ZBTB16: variants seen among roughly 807,000 people sequenced by gnomAD.
ZBTB16 encodes the protein zinc finger and BTB domain containing 16.
In ZBTB16, 8 loss-of-function variants were observed where a neutral mutation model predicts 56.8. That is an observed-to-expected ratio of 0.14 (90% confidence interval 0.08 to 0.25). The LOEUF is 0.25. Ranked by LOEUF, ZBTB16 falls within the 10% of genes least tolerant of loss-of-function variation. ZBTB16 has a pLI of 1.00. For synonymous variants in ZBTB16, 363 were observed against 368.5 expected (o/e 0.98, Z 0.17); for missense variants, 625 against 903.0 (o/e 0.69, Z 3.95).
intron 2 of ZBTB16, among the ~76,000 whole-genome samples, chr11:114,067,582 T>G (rs887645958): frequency 1.3e-5 from 2 of 152,098 alleles, no homozygotes; most frequent in Admixed American, 6.5e-5. Flanking sequence ...AATTTTTGTA[T>G]TTTTAGTAGA....
At chr11:114,065,182 G>C (rs979688729) in intron 2 of ZBTB16, among the ~76,000 whole-genome samples, 2 of 152,186 alleles carry the variant, frequency 1.3e-5, no homozygotes, top group Non-Finnish European at 2.9e-5. Context: ...TAAATGCAAG[G>C]GGAAAGGATG....
rs114926685 is a variant in ZBTB16 at position 114,246,888 on chromosome 11, A to C, written c.1625-310A>C. On this transcript the variant is annotated intron_variant, in intron 5 of 6. Coordinates refer to ENST00000335953, the MANE Select transcript of ZBTB16 (RefSeq NM_006006.6). ...AGGTCATCTGAGAAGCAAGATGGTG[A>C]GGTCTCATGTATCCACAAGGGGGCT... is the stretch of plus-strand genomic sequence containing the variant. 2.2e-3 allele frequency: 902 copies of C among 408,256 alleles called. 6 individuals carry two copies. The highest frequency in any genetic ancestry group is 0.012 in the African/African-American group (611 of 49,656). 25.3% of individuals were successfully genotyped at this position (408,256 alleles called of 1,614,324 possible).
chr11:114,220,026 A>C (rs933867913), intron 4 of ZBTB16, among the ~76,000 whole-genome samples: 2 of 152,226 alleles, frequency 1.3e-5, no homozygotes, highest in Non-Finnish European at 2.9e-5. Context: ...TCCCAGACGA[A>C]CTTCTCCAGC....
At chr11:114,177,846 C>T (rs1225657719) in intron 3 of ZBTB16, among the ~76,000 whole-genome samples, 1 of 152,116 alleles carries the variant, frequency 6.6e-6, no homozygotes, top group African/African-American at 2.4e-5. Context: ...GTCACCCAGG[C>T]TGGGGTTACA....
intron 2 of ZBTB16, among the ~76,000 whole-genome samples, chr11:114,100,855 G>A (rs1465000183): frequency 6.6e-6 from 1 of 152,014 alleles, no homozygotes; most frequent in African/African-American, 2.4e-5. Context: ...TACAGCTTTC[G>A]CAAAACTTAA....
At chr11:114,114,682 C>CT (rs761374297) in intron 2 of ZBTB16, among the ~76,000 whole-genome samples, 2,544 of 140,096 alleles carry the variant, frequency 0.018, 54 homozygotes, top group East Asian at 0.057. Flanking sequence ...TATGTTTTTT[C>CT]TTTTTTTTTT....
At chr11:114,246,940 C>G (rs1303843128) in intron 5 of ZBTB16, 5 of 534,976 alleles carry the variant, frequency 9.3e-6, no homozygotes, top group East Asian at 3.3e-5. Context: ...CTGTCCATCC[C>G]TGAACCAAAT....
At chr11:114,246,973 C>A in intron 5 of ZBTB16, 1 of 609,790 alleles carries the variant, frequency 1.6e-6, no homozygotes, top group Non-Finnish European at 2.9e-6. Flanking sequence ...CCAGGACTGG[C>A]CCTTGCCCCA....
At chr11:114,062,792 G>T (rs1453956174) in intron 1 of ZBTB16, among the ~76,000 whole-genome samples, 1 of 152,204 alleles carries the variant, frequency 6.6e-6, no homozygotes, top group Admixed American at 6.5e-5. Flanking sequence ...GGGGGCTGGC[G>T]TGAAGCTGAC....
chr11:114,218,543 A>C (rs1944159800), intron 4 of ZBTB16, among the ~76,000 whole-genome samples: 1 of 152,222 alleles, frequency 6.6e-6, no homozygotes, highest in Admixed American at 6.5e-5. Flanking sequence ...ACATAAAGCC[A>C]ATCTATAAAT....
chr11:114,085,000 A>G (rs866922194), intron 2 of ZBTB16, among the ~76,000 whole-genome samples: 1 of 152,172 alleles, frequency 6.6e-6, no homozygotes, highest in Non-Finnish European at 1.5e-5. Flanking sequence ...TACTGTGATG[A>G]TGCTGTTCTG....
rs540601951 is a variant in ZBTB16, at chr11:114,252,793, G to A, written c.*2238G>A. 1.3e-5 allele frequency among the ~76,000 whole-genome samples: 2 copies of A among 151,938 alleles called. No individual in the cohort carries two copies. The highest frequency in any genetic ancestry group is 6.5e-5 in the Admixed American group (1 of 15,272). ...TGCTGCGACGACCCCCCCGTCCCTC[G>A]GCCCCAGCCCTCCTGCCCTCCCCTT... On this transcript the variant is annotated 3_prime_UTR_variant, in exon 7 of 7. Transcript: ENST00000335953.
chr11:114,071,484 C>T (rs1488035426), intron 2 of ZBTB16, among the ~76,000 whole-genome samples: 1 of 152,088 alleles, frequency 6.6e-6, no homozygotes, highest in Non-Finnish European at 1.5e-5. Flanking sequence ...TCCTCCTGCT[C>T]GTTCTAGGAA....
intron 2 of ZBTB16, among the ~76,000 whole-genome samples, chr11:114,098,418 C>A (rs538210473): frequency 4.5e-4 from 69 of 152,132 alleles, no homozygotes; most frequent in Non-Finnish European, 7.1e-4. Flanking sequence ...AACTTACAAC[C>A]TTTAACGCCA....
At chr11:114,152,387 A>C (rs1219104093) in intron 2 of ZBTB16, among the ~76,000 whole-genome samples, 1 of 152,258 alleles carries the variant, frequency 6.6e-6, no homozygotes, top group Non-Finnish European at 1.5e-5. Flanking sequence ...ACCAGTGAGA[A>C]GGAATGAATT....
chr11:114,076,559 C>A (rs1451289975), intron 2 of ZBTB16, among the ~76,000 whole-genome samples: 1 of 152,164 alleles, frequency 6.6e-6, no homozygotes, highest in East Asian at 1.9e-4. Context: ...TGACAGTTGT[C>A]CCCTAAATGA....
chr11:114,174,380 C>G (rs1230551591), intron 3 of ZBTB16, among the ~76,000 whole-genome samples: 4 of 150,390 alleles, frequency 2.7e-5, no homozygotes, highest in Admixed American at 2.7e-4. Flanking sequence ...GCTTTTTAAA[C>G]TTCAGTTTGC....
At chr11:114,174,947 A>G (rs1328545126) in intron 3 of ZBTB16, among the ~76,000 whole-genome samples, 4 of 152,222 alleles carry the variant, frequency 2.6e-5, no homozygotes, top group African/African-American at 9.7e-5. Context: ...CAGGCAGTTT[A>G]GTGGAGAACC....
chr11:114,156,213 G>GC, intron 2 of ZBTB16, 124 bp from the exon 3 acceptor site: 1 of 874,964 alleles, frequency 1.1e-6, no homozygotes, highest in Admixed American at 2.0e-5. Context: ...TTCCATCGGT[G>GC]CCCTCCTGTT....
Sources: gnomAD v4.1 joint callset for allele counts (sites outside exome capture counted in the v4.1 genomes callset) on GRCh38, gnomAD v4.1.1 for gene constraint, MANE v1.5 for transcripts, NCBI Gene and HGNC (gene_info 2026-07-23, HGNC 2026-07-21) for gene names.